Variants in LIPC observed in about 807,000 individuals in gnomAD.
LIPC encodes the protein lipase C, hepatic type, also known as hepatic triacylglycerol lipase.
In LIPC, 44 loss-of-function variants were observed where a neutral mutation model predicts 50.7. The ratio of observed to expected loss-of-function variants is 0.87; its 90% CI spans 0.68 to 1.11. The LOEUF (loss-of-function observed/expected upper bound fraction) is 1.11. LIPC is among the 50% of genes most tolerant of loss of function. LIPC has a pLI of 0.00. For missense variants in LIPC, 697 were observed against 648.2 expected, an observed-to-expected ratio of 1.08 and a Z score of -0.82; for synonymous variants, 271 against 256.4, an observed-to-expected ratio of 1.06 and a Z score of -0.54.
Position 58,538,380 on chromosome 15 carries a change from C to G in LIPC, c.136C>G (p.His46Asp). The G allele has an allele frequency of 1.2e-6, 2 of 1,614,172 alleles. No individual in the cohort carries two copies. Among genetic ancestry groups the G allele is most frequent in the Non-Finnish European group, 1.7e-6 (2 of 1,180,008 alleles). The change falls in exon 2 of 9, where the codon CAT (histidine) becomes GAT (aspartate). Residue 46 changes from histidine (H) to aspartate (D), a missense_variant. Physicochemically the swap from His to Asp is moderately conservative, Grantham distance 81. Coordinates refer to ENST00000299022, the MANE Select transcript of LIPC (RefSeq NM_000236.3). ...AGCTGTTGAAACAAACAAAACGCTG[C>G]ATGAGATGAAGACCAGATTCCTGCT... is the stretch of plus-strand genomic sequence containing the variant. Reference protein sequence around the residue: ...AQAVETNKTLHEMKTRFLLFG... With the variant: ...AQAVETNKTLDEMKTRFLLFG...
At chr15:58,494,696 A>G in intron 1 of LIPC, 1 of 451,058 alleles carries the variant, frequency 2.2e-6, no homozygotes. Context: ...GCGTCAGATA[A>G]TGAAGTTTTG....
intron 7 of LIPC, among the ~76,000 whole-genome samples, chr15:58,562,691 C>T (rs1654531082): frequency 6.6e-6 from 1 of 152,132 alleles, no homozygotes; most frequent in Non-Finnish European, 1.5e-5. Context: ...CAACACCTAC[C>T]TAAGGATACA....
At chr15:58,555,763 A>G (rs1893923510) in intron 6 of LIPC, among the ~76,000 whole-genome samples, 2 of 152,204 alleles carry the variant, frequency 1.3e-5, no homozygotes, top group South Asian at 4.1e-4. Context: ...AGATGGAGCC[A>G]GGGAAGGGAC....
At chr15:58,559,143 A>T (rs1894064881) in intron 6 of LIPC, among the ~76,000 whole-genome samples, 1 of 152,228 alleles carries the variant, frequency 6.6e-6, no homozygotes, top group South Asian at 2.1e-4. Flanking sequence ...TGATGAAGAG[A>T]TGAATTTCCA....
chr15:58,567,330 T>TAC (rs1319204429), intron 8 of LIPC, among the ~76,000 whole-genome samples: 54 of 20,846 alleles, frequency 2.6e-3, no homozygotes, highest in African/African-American at 8.7e-3. Context: ...TGTGTATATA[T>TAC]ATATATATGT....
intron 6 of LIPC, among the ~76,000 whole-genome samples, chr15:58,557,870 C>T (rs904184989): frequency 2.6e-5 from 4 of 152,096 alleles, no homozygotes; most frequent in African/African-American, 9.7e-5. Context: ...CTTACCCCCT[C>T]CCCCACTTTG....
In LIPC at chr15:58,568,825, T is replaced by C. The variant is rs767941262; in HGVS notation, c.1498T>C (p.Ter500ArgextTer10). 1.2e-5 allele frequency: 19 copies of C among 1,547,080 alleles called. No individual in the cohort carries two copies. In the South Asian group the frequency reaches 2.1e-4, roughly 17 times the overall value. Residue 500 changes from the stop codon to arginine (R), a stop_lost, in exon 9 of 9, where the codon TGA becomes CGA. Coordinates refer to ENST00000299022, the MANE Select transcript of LIPC (RefSeq NM_000236.3). Reference sequence around the variant, plus strand: ...TAAAACATCAAAGCGAAAGATCAGATGAGATTTAATGAAGACCCAGTGTAA... The same window carrying C: ...TAAAACATCAAAGCGAAAGATCAGACGAGATTTAATGAAGACCCAGTGTAA... ...KSKTSKRKIR[*>R]
intron 8 of LIPC, among the ~76,000 whole-genome samples, chr15:58,567,232 T>A (rs1894398820): frequency 7.0e-6 from 1 of 142,172 alleles, no homozygotes; most frequent in African/African-American, 2.6e-5. Flanking sequence ...TATATATATG[T>A]ATATATGTGT....
chr15:58,568,481 C>T (rs1341285768), intron 8 of LIPC, among the ~76,000 whole-genome samples: 3 of 152,214 alleles, frequency 2.0e-5, no homozygotes, highest in African/African-American at 7.2e-5. Context: ...TTCCTTCTTA[C>T]AGAACTGAAA....
At chr15:58,506,581 G>C (rs1317070464) in intron 1 of LIPC, among the ~76,000 whole-genome samples, 1 of 152,238 alleles carries the variant, frequency 6.6e-6, no homozygotes, top group Non-Finnish European at 1.5e-5. Flanking sequence ...TAGCTTCTGA[G>C]ATATCCAGGT....
In LIPC at chr15:58,499,004, C is replaced by T. The variant is rs544267540; in HGVS notation, c.89-39329C>T. ...CTCCCAAGGAGGCTGGGCCTGTCAA[C>T]GGCCTTGCTTCGCTGAGCATGGAAA... On this transcript the variant is annotated intron_variant, in intron 1 of 8. Transcript: ENST00000299022. Among the ~76,000 whole-genome samples, 35 of 152,316 alleles carry T rather than the reference C, an allele frequency of 2.3e-4. 1 individual carries two copies. The South Asian group carries it at 6.2e-3, about 27-fold the overall frequency.
intron 1 of LIPC, among the ~76,000 whole-genome samples, chr15:58,500,707 G>C (rs1470655527): frequency 6.6e-6 from 1 of 151,808 alleles, no homozygotes; most frequent in Admixed American, 6.6e-5. Context: ...TGTCTTTTCA[G>C]ATTTAGTCTC....
intron 1 of LIPC, among the ~76,000 whole-genome samples, chr15:58,485,250 G>T (rs1172305379): frequency 6.6e-6 from 1 of 152,176 alleles, no homozygotes; most frequent in Non-Finnish European, 1.5e-5. Flanking sequence ...CCCTTGGATG[G>T]GCTGGAGGTG....
chr15:58,520,517 G>A (rs1455425384), intron 1 of LIPC, among the ~76,000 whole-genome samples: 3 of 152,200 alleles, frequency 2.0e-5, no homozygotes, highest in African/African-American at 7.2e-5. Context: ...ACACAGAGGT[G>A]AGTGTGAGCA....
intron 5 of LIPC, among the ~76,000 whole-genome samples, chr15:58,546,813 G>T (rs1019702589): frequency 6.6e-6 from 1 of 151,990 alleles, no homozygotes; most frequent in Non-Finnish European, 1.5e-5. Flanking sequence ...CACCATCCTC[G>T]CCTCTCCAAT....
intron 1 of LIPC, among the ~76,000 whole-genome samples, chr15:58,519,884 C>A (rs1823699): frequency 7.2e-5 from 11 of 152,098 alleles, no homozygotes; most frequent in African/African-American, 2.2e-4. Flanking sequence ...ACCTTTCCCC[C>A]GCTATTTCTT....
chr15:58,541,854 G>T lies in LIPC; in HGVS notation c.343G>T (p.Val115Leu). ...AALKSQPAQP[V>L]NVGLVDWITL... ...GCTGAAGTCTCAGCCGGCCCAGCCA[G>T]TGAACGTGGGGCTGGTGGACTGGAT... Residue 115 changes from valine (V) to leucine (L), a missense_variant, in exon 3 of 9, where the codon GTG becomes TTG. Physicochemically the swap from Val to Leu is conservative, Grantham distance 32. Coordinates refer to ENST00000299022, the MANE Select transcript of LIPC (RefSeq NM_000236.3). 1 of 1,613,128 alleles carries T rather than the reference G, an allele frequency of 6.2e-7. No individual in the cohort carries two copies. Among genetic ancestry groups the T allele is most frequent in the South Asian group, 1.1e-5 (1 of 91,054 alleles).
chr15:58,447,233 A>C (rs1362638761), intron 1 of LIPC, among the ~76,000 whole-genome samples: 2 of 151,848 alleles, frequency 1.3e-5, no homozygotes, highest in Non-Finnish European at 2.9e-5. Flanking sequence ...GCTCATGGAA[A>C]GCATCCCAGA....
chr15:58,505,415 TA>T (rs1232522831), intron 1 of LIPC, among the ~76,000 whole-genome samples: 1 of 152,194 alleles, frequency 6.6e-6, no homozygotes, highest in Non-Finnish European at 1.5e-5. Flanking sequence ...TGATTTAATA[TA>T]CAAAAAAATG....
Sources: allele counts gnomAD v4.1 joint callset (sites outside exome capture counted in the v4.1 genomes callset), GRCh38; gene constraint gnomAD v4.1.1; transcripts MANE v1.5; gene names NCBI Gene and HGNC (gene_info 2026-07-23, HGNC 2026-07-21).